The following SMAP1 variants were observed in gnomAD, a reference collection of about 807,000 sequenced individuals.
The protein encoded by SMAP1 is small ArfGAP 1.
A neutral mutation model predicts 58.5 loss-of-function variants in SMAP1; 24 were observed. The ratio of observed to expected loss-of-function variants is 0.41; its 90% CI spans 0.30 to 0.58. The LOEUF (loss-of-function observed/expected upper bound fraction) is 0.58, where lower values mean the gene tolerates loss of function less well. Among genes scored for constraint, SMAP1 ranks in the 20% least tolerant of loss-of-function variants. SMAP1 has a pLI of 0.29. For synonymous variants in SMAP1, 216 were observed against 196.6 expected (o/e 1.10, Z -0.82); for missense variants, 563 against 566.3 (o/e 0.99, Z 0.06).
intron 6 of SMAP1, among the ~76,000 whole-genome samples, chr6:70,825,012 A>T (rs1488116679): frequency 6.6e-6 from 1 of 152,162 alleles, no homozygotes. Context: ...TCACCCTGTC[A>T]TAGAGCTAAT....
chr6:70,728,325 TGTA>T (rs1214014147), intron 1 of SMAP1, among the ~76,000 whole-genome samples: 1 of 152,184 alleles, frequency 6.6e-6, no homozygotes, highest in Non-Finnish European at 1.5e-5. Flanking sequence ...GGCTGAGAAA[TGTA>T]GTCTTCCTAT....
At chr6:70,724,887 T>C (rs1338171159) in intron 1 of SMAP1, among the ~76,000 whole-genome samples, 1 of 151,820 alleles carries the variant, frequency 6.6e-6, no homozygotes, top group Non-Finnish European at 1.5e-5. Context: ...ATTAAGAAAC[T>C]CCCAAACATT....
At chr6:70,710,366 C>T (rs1205789534) in intron 1 of SMAP1, among the ~76,000 whole-genome samples, 1 of 151,680 alleles carries the variant, frequency 6.6e-6, no homozygotes, top group Non-Finnish European at 1.5e-5. Context: ...TGGCATGCAC[C>T]CGTAGTCCCA....
chr6:70,807,179 T>G (rs1001881897), intron 6 of SMAP1, among the ~76,000 whole-genome samples: 21 of 152,244 alleles, frequency 1.4e-4, no homozygotes, highest in Non-Finnish European at 2.8e-4. Flanking sequence ...CTTGTTTTCC[T>G]TGAGCAGTCT....
chr6:70,710,491 C>T (rs1317791077), intron 1 of SMAP1, among the ~76,000 whole-genome samples: 1 of 67,674 alleles, frequency 1.5e-5, no homozygotes, highest in Non-Finnish European at 2.8e-5. Context: ...AGACTCCCAT[C>T]TCAAAAAAAA....
intron 1 of SMAP1, among the ~76,000 whole-genome samples, chr6:70,675,141 TAAA>T (rs79670208): frequency 8.2e-6 from 1 of 122,316 alleles, no homozygotes; most frequent in Non-Finnish European, 1.7e-5. Context: ...TGGAGAATGT[TAAA>T]AAAAAAAAAA....
intron 5 of SMAP1, among the ~76,000 whole-genome samples, chr6:70,796,965 A>G (rs998197809): frequency 2.0e-5 from 3 of 152,176 alleles, no homozygotes; most frequent in Admixed American, 6.5e-5. Flanking sequence ...GCAAAGCAAT[A>G]TACCAATAGT....
At chr6:70,816,944 G>A (rs1769655552) in intron 6 of SMAP1, among the ~76,000 whole-genome samples, 1 of 151,784 alleles carries the variant, frequency 6.6e-6, no homozygotes, top group African/African-American at 2.4e-5. Context: ...TATATAAAAT[G>A]AACACAAAAG....
intron 1 of SMAP1, among the ~76,000 whole-genome samples, chr6:70,685,480 C>T (rs1198192225): frequency 6.6e-6 from 1 of 151,876 alleles, no homozygotes; most frequent in Admixed American, 6.6e-5. Flanking sequence ...GTAAAAATCA[C>T]CAAGAATGGG....
chr6:70,749,474 A>T (rs1054300054), intron 2 of SMAP1, among the ~76,000 whole-genome samples: 1 of 152,204 alleles, frequency 6.6e-6, no homozygotes, highest in African/African-American at 2.4e-5. Context: ...TTGATATTTA[A>T]GATTTGACTA....
At chr6:70,695,316 A>G (rs1010965722) in intron 1 of SMAP1, among the ~76,000 whole-genome samples, 9 of 152,138 alleles carry the variant, frequency 5.9e-5, no homozygotes, top group Non-Finnish European at 1.2e-4. Flanking sequence ...TTTGACTATT[A>G]TGCTGAATAA....
At chr6:70,686,561 G>T (rs1766941993) in intron 1 of SMAP1, among the ~76,000 whole-genome samples, 1 of 152,086 alleles carries the variant, frequency 6.6e-6, no homozygotes, top group Non-Finnish European at 1.5e-5. Context: ...ACTTGTCAGT[G>T]TATTTTTGAA....
chr6:70,785,698 C>G (rs912737457), intron 4 of SMAP1, among the ~76,000 whole-genome samples: 2 of 152,200 alleles, frequency 1.3e-5, no homozygotes, highest in African/African-American at 4.8e-5. Context: ...ACTAGAAAAT[C>G]TAGAAGAAAT....
At chr6:70,782,825 A>G (rs141111212) in intron 4 of SMAP1, among the ~76,000 whole-genome samples, 37 of 152,294 alleles carry the variant, frequency 2.4e-4, no homozygotes, top group African/African-American at 8.4e-4. Context: ...GGAAATATAC[A>G]TATGTGGAGC....
chr6:70,748,492 C>T (rs970145104), intron 2 of SMAP1, among the ~76,000 whole-genome samples: 3 of 151,932 alleles, frequency 2.0e-5, no homozygotes, highest in Non-Finnish European at 4.4e-5. Flanking sequence ...CATATTTATG[C>T]TTTGAATGTA....
intron 7 of SMAP1, among the ~76,000 whole-genome samples, chr6:70,839,245 A>G (rs1770713657): frequency 6.6e-6 from 1 of 152,178 alleles, no homozygotes; most frequent in Admixed American, 6.5e-5. Context: ...ACTTTTTACC[A>G]GCCATTTCAC....
At chr6:70,737,776 G>T (rs529548848) in intron 2 of SMAP1, among the ~76,000 whole-genome samples, 1 of 152,132 alleles carries the variant, frequency 6.6e-6, no homozygotes, top group Non-Finnish European at 1.5e-5. Flanking sequence ...CCTTAGCGAT[G>T]AATGGGGAAT....
At chr6:70,747,253 C>T (rs1390956538) in intron 2 of SMAP1, among the ~76,000 whole-genome samples, 1 of 152,072 alleles carries the variant, frequency 6.6e-6, no homozygotes, top group East Asian at 1.9e-4. Context: ...TTAAATGTAT[C>T]ACTATTATTT....
intron 1 of SMAP1, among the ~76,000 whole-genome samples, chr6:70,696,543 T>C (rs1188789301): frequency 2.0e-5 from 3 of 152,218 alleles, no homozygotes; most frequent in Non-Finnish European, 4.4e-5. Flanking sequence ...TCCATATATT[T>C]GTATAGTATC....
Sources: gnomAD v4.1 joint callset for allele counts (sites outside exome capture counted in the v4.1 genomes callset) on GRCh38, gnomAD v4.1.1 for gene constraint, MANE v1.5 for transcripts, NCBI Gene and HGNC (gene_info 2026-07-23, HGNC 2026-07-21) for gene names.